Variants in MPO observed in about 807,000 individuals in gnomAD.
The protein encoded by MPO is myeloperoxidase.
A neutral mutation model predicts 69.4 loss-of-function variants in MPO; 57 were observed. The ratio of observed to expected loss-of-function variants is 0.82; its 90% CI spans 0.66 to 1.02. The LOEUF is 1.02. Ranked by LOEUF, MPO falls within the 50% of genes least tolerant of loss-of-function variation. The pLI, the probability that MPO is intolerant of heterozygous loss-of-function variation, is 0.00. For synonymous variants in MPO, 426 were observed against 417.1 expected (o/e 1.02, Z -0.26); for missense variants, 971 against 1,014.1 (o/e 0.96, Z 0.58).
rs149133270 is a variant in MPO at position 58,273,656 on chromosome 17, C to T, written c.1379G>A (p.Arg460Gln). ...VGAMVQIITY[R>Q]DYLPLVLGPT... ...CCCCAGCACCAGGGGCAGGTAGTCC[C>T]GGTAAGTGATGATCTAAAGACAAGT... Residue 460 changes from arginine (R) to glutamine (Q), a missense_variant, in exon 9 of 12, where the codon CGG becomes CAG. Physicochemically the swap from Arg to Gln is conservative, Grantham distance 43. Coordinates refer to ENST00000225275, the MANE Select transcript of MPO (RefSeq NM_000250.2). 1,996 of 1,614,166 alleles carry T rather than the reference C, an allele frequency of 1.2e-3. 2 individuals are homozygous for T. The highest frequency in any genetic ancestry group is 1.5e-3 in the Non-Finnish European group (1,726 of 1,180,024).
chr17:58,279,803 T>A, intron 3 of MPO, 36 bp downstream of exon 3: 3 of 1,613,720 alleles, frequency 1.9e-6, no homozygotes, highest in Non-Finnish European at 2.5e-6. Context: ...GAGTCACTAG[T>A]GGAGCAGGGA....
At chr17:58,274,101 C>G (rs1276425523) in intron 8 of MPO, 2 of 454,488 alleles carry the variant, frequency 4.4e-6, no homozygotes, top group African/African-American at 2.0e-5. Flanking sequence ...AAATTCTTCA[C>G]AGTGCCCACC....
Position 58,277,896 on chromosome 17 carries a change from A to C in MPO, c.1135T>G (p.Phe379Val), listed in dbSNP as rs1049732840. 3.1e-6 allele frequency: 5 copies of C among 1,611,036 alleles called. No individual in the cohort carries two copies. The South Asian group carries it at 5.5e-5, about 18-fold the overall frequency. Residue 379 changes from phenylalanine (F) to valine (V), a missense_variant, in exon 7 of 12, where the codon TTT (phenylalanine) becomes GTT (valine). By Grantham distance (50) the Phe-to-Val change is conservative. Coordinates refer to ENST00000225275, the MANE Select transcript of MPO (RefSeq NM_000250.2). ...CAGGGGTCATCGTGCAGGTTGTCAA[A>C]GGGCAGCAGGGCCCGGCCGTTGTCT... Reference protein sequence around the residue: ...FQDNGRALLPFDNLHDDPCLL... With the variant: ...FQDNGRALLPVDNLHDDPCLL...
intron 10 of MPO, among the ~76,000 whole-genome samples, chr17:58,272,449 C>A (rs1970377559): frequency 6.6e-6 from 1 of 152,162 alleles, no homozygotes; most frequent in African/African-American, 2.4e-5. Flanking sequence ...AGTTAACGTA[C>A]AATGAAGCAA....
rs763556195 is a variant in MPO at position 58,270,757 on chromosome 17, A to G, written c.2137T>C (p.Ser713Pro). ...TTGGACATGAAGATGTTGTTCTTAG[A>G]CACGGTGGTGATGCCTGTGTTGTCG... is the stretch of plus-strand genomic sequence containing the variant. ...ICDNTGITTVSKNNIFMSNSY... is the reference protein window; with the variant it reads ...ICDNTGITTVPKNNIFMSNSY... Residue 713 changes from serine (S) to proline (P), a missense_variant, in exon 12 of 12, where the codon TCT (serine) becomes CCT (proline). Transcript: ENST00000225275. The surrounding 1 kb of genome is among the most constrained non-coding windows in gnomAD (Gnocchi z 4.1). 3 of 1,614,108 alleles carry G rather than the reference A, an allele frequency of 1.9e-6. No homozygotes were observed. Among genetic ancestry groups the G allele is most frequent in the East Asian group, 2.2e-5 (1 of 44,876 alleles).
intron 10 of MPO, 130 bp downstream of exon 10, chr17:58,272,618 C>T (rs573030573): frequency 2.3e-5 from 26 of 1,115,128 alleles, no homozygotes; most frequent in Admixed American, 1.8e-4. Context: ...CAGGCTACTT[C>T]CTGAGAGCAA....
rs1970461138 is a variant in MPO at position 58,278,020 on chromosome 17, C to G, written c.1011G>C (p.Val337=). 1 of 1,613,774 alleles carries G rather than the reference C, an allele frequency of 6.2e-7. No individual in the cohort carries two copies. ...CGCTGCCGTACACCATGCTGGCGTCCACGAAGGAAGTGAGCGCGTTGATCT... is the reference window on the plus strand; with the variant it reads ...CGCTGCCGTACACCATGCTGGCGTCGACGAAGGAAGTGAGCGCGTTGATCT... ...RNQINALTSF[V]DASMVYGSEE... Residue 337 remains valine (V), a synonymous_variant, in exon 7 of 12, where the codon GTG becomes GTC. Coordinates refer to ENST00000225275, the MANE Select transcript of MPO (RefSeq NM_000250.2).
intron 6 of MPO, among the ~76,000 whole-genome samples, chr17:58,278,539 G>A (rs1302536068): frequency 6.6e-6 from 1 of 151,706 alleles, no homozygotes; most frequent in Non-Finnish European, 1.5e-5. Context: ...GCAGTGCCTC[G>A]ACCACCCTGC....
In MPO at chr17:58,275,046, G is replaced by T. The variant is rs2143972237; in HGVS notation, c.1365+496C>A. Among the ~76,000 whole-genome samples the T allele has an allele frequency of 6.6e-6, 1 of 151,958 alleles. No individual in the cohort carries two copies. The highest frequency in any genetic ancestry group is 2.4e-5 in the African/African-American group (1 of 41,500). On this transcript the variant is annotated intron_variant, in intron 8 of 11. Transcript: ENST00000225275. This position sits in a 1 kb window ranked among gnomAD's most constrained non-coding sequence, Gnocchi z 4.1. ...CGCCCGGCTAATTTTTGTATTTTTA[G>T]TAGAGATGGGGTTTCACCGTGTTAG...
At position 58,273,631 on chromosome 17, in the gene MPO, C is replaced by A; in HGVS notation, c.1404G>T (p.Gly468=). 6.2e-7 allele frequency: 1 copy of A among 1,614,158 alleles called. No homozygotes were observed. Residue 468 remains glycine (G), a synonymous_variant, in exon 9 of 12, where the codon GGG becomes GGT. Coordinates refer to ENST00000225275, the MANE Select transcript of MPO (RefSeq NM_000250.2). The part of the protein sequence containing the change: ...TYRDYLPLVL[G]PTAMRKYLPT... ...GCAGGTACTTCCTCATGGCCGTTGG[C>A]CCCAGCACCAGGGGCAGGTAGTCCC...
rs756233510 is a variant in MPO, at chr17:58,270,899, G to C, written c.2031-36C>G. ...AACACCCATGGACACTGTGCCCAAG[G>C]ATATTCTGGGCTGGCAGGGCATCGA... is the stretch of plus-strand genomic sequence containing the variant. On this transcript the variant is annotated intron_variant, in intron 11 of 11. Coordinates refer to ENST00000225275, the MANE Select transcript of MPO (RefSeq NM_000250.2). This position sits in a 1 kb window ranked among gnomAD's most constrained non-coding sequence, Gnocchi z 4.1. 1 of 1,608,252 alleles carries C rather than the reference G, an allele frequency of 6.2e-7. No homozygotes were observed. Among genetic ancestry groups the C allele is most frequent in the Non-Finnish European group, 8.5e-7 (1 of 1,176,276 alleles).
intron 7 of MPO, among the ~76,000 whole-genome samples, chr17:58,277,480 C>T (rs940273187): frequency 6.6e-6 from 1 of 152,218 alleles, no homozygotes; most frequent in Non-Finnish European, 1.5e-5. Context: ...GGCACCACAG[C>T]GTTCTCTGTC....
chr17:58,277,637 C>A, intron 7 of MPO, 190 bp downstream of exon 7: 1 of 828,780 alleles, frequency 1.2e-6, no homozygotes, highest in East Asian at 2.7e-5. Context: ...AGGTTGTTTG[C>A]TTTTCTGCTT....
At position 58,272,829 on chromosome 17, in the gene MPO, G is replaced by A. The variant is rs773478778; in HGVS notation, c.1711C>T (p.Arg571Ter). The change falls in exon 10 of 12, where the codon CGA (arginine) becomes TGA (stop). Residue 571 changes from arginine (R) to a stop codon, truncating the protein, a stop_gained. Transcript: ENST00000225275. LOFTEE classifies it high-confidence loss of function. ...NQIAVDEIRE[R>*]LFEQVMRIGL... ...ATCCTCATGACCTGCTCAAACAATC[G>A]CTCCCGGATCTCATCCACTGCAATT... is the stretch of plus-strand genomic sequence containing the variant. 7 of 1,614,058 alleles carry A rather than the reference G, an allele frequency of 4.3e-6. No individual in the cohort carries two copies. Among genetic ancestry groups the A allele is most frequent in the Non-Finnish European group, 5.1e-6 (6 of 1,180,038 alleles).
Position 58,280,637 on chromosome 17 carries a change from G to C in MPO, c.122C>G (p.Ala41Gly). The C allele has an allele frequency of 6.2e-7, 1 of 1,614,206 alleles. No individual in the cohort carries two copies. Among genetic ancestry groups the C allele is most frequent in the South Asian group, 1.1e-5 (1 of 91,086 alleles). The change falls in exon 1 of 12, where the codon GCC becomes GGC. Residue 41 changes from alanine to glycine, a missense_variant. Ala to Gly is a moderately conservative substitution (Grantham distance 60). Coordinates refer to ENST00000225275, the MANE Select transcript of MPO (RefSeq NM_000250.2). ...LALAGLLAIL[A>G]TPQPSEGAAP... is the part of the protein sequence containing the mutation. ...AGCACCTTCAGAGGGCTGGGGCGTG[G>C]CCAGAATGGCCAGGAGCCCTGCTAG...
At chr17:58,277,335 T>A (rs780562452) in intron 7 of MPO, among the ~76,000 whole-genome samples, 2 of 152,222 alleles carry the variant, frequency 1.3e-5, no homozygotes, top group African/African-American at 4.8e-5. Context: ...CACTAGACTG[T>A]AAGGCAATTG....
intron 8 of MPO, chr17:58,274,111 C>A (rs895067811): frequency 2.2e-6 from 1 of 464,992 alleles, no homozygotes; most frequent in South Asian, 1.5e-5. Flanking sequence ...CAGTGCCCAC[C>A]AAGTGCCTGC....
At chr17:58,274,347 AGT>A (rs55893734) in intron 8 of MPO, 148,668 of 331,974 alleles carry the variant, frequency 0.45, 23,571 homozygotes, top group East Asian at 0.59. Context: ...AGAATCTAGG[AGT>A]GTGTGTGTGT....
In MPO at chr17:58,277,999, G is replaced by A. The variant is rs896400473; in HGVS notation, c.1032C>T (p.Gly344=). 6.2e-6 allele frequency: 10 copies of A among 1,613,830 alleles called. No individual in the cohort carries two copies. The highest frequency in any genetic ancestry group is 7.6e-6 in the Non-Finnish European group (9 of 1,180,054). ...GGTTCCTGGCCAGGGGCTCCTCGCT[G>A]CCGTACACCATGCTGGCGTCCACGA... is the stretch of plus-strand genomic sequence containing the variant. ...TSFVDASMVY[G]SEEPLARNLR... Residue 344 remains glycine (G), a synonymous_variant, in exon 7 of 12, where the codon GGC becomes GGT. Coordinates refer to ENST00000225275, the MANE Select transcript of MPO (RefSeq NM_000250.2).
Sources: gnomAD v4.1 joint callset for allele counts (sites outside exome capture counted in the v4.1 genomes callset) on GRCh38, gnomAD v4.1.1 for gene constraint, Gnocchi (gnomAD v3.1) non-coding constraint, MANE v1.5 for transcripts, NCBI Gene and HGNC (gene_info 2026-07-23, HGNC 2026-07-21) for gene names.